Variants in NEGR1 observed in about 807,000 individuals in gnomAD.
The protein encoded by NEGR1 is neuronal growth regulator 1.
In NEGR1, 10 loss-of-function variants were observed where a neutral mutation model predicts 40.9. The observed-to-expected ratio is 0.24, with a 90% CI of 0.15 to 0.42. The LOEUF (loss-of-function observed/expected upper bound fraction) is 0.42. NEGR1 is among the 10% of genes least tolerant of loss of function. The pLI is 1.00. For missense variants in NEGR1, 352 were observed against 438.9 expected (o/e 0.80, Z 1.77); for synonymous variants, 185 against 166.8 (o/e 1.11, Z -0.84).
intron 1 of NEGR1, among the ~76,000 whole-genome samples, chr1:72,252,202 GC>G: frequency 7.6e-6 from 1 of 131,838 alleles, no homozygotes; most frequent in South Asian, 2.1e-4. Flanking sequence ...GTGCCACCAT[GC>G]TCGGCTAATT....
intron 1 of NEGR1, among the ~76,000 whole-genome samples, chr1:72,267,968 A>C (rs1655704991): frequency 6.6e-6 from 1 of 151,268 alleles, no homozygotes; most frequent in Non-Finnish European, 1.5e-5. Context: ...AACAGTATGA[A>C]AGAAAAGCAT....
intron 6 of NEGR1, among the ~76,000 whole-genome samples, chr1:71,409,728 C>G (rs1646303042): frequency 6.6e-6 from 1 of 151,960 alleles, no homozygotes; most frequent in South Asian, 2.1e-4. Context: ...GACATAAAAT[C>G]TGGCAAAGTG....
At chr1:72,107,406 AT>A (rs991481036) in intron 1 of NEGR1, among the ~76,000 whole-genome samples, 3 of 151,594 alleles carry the variant, frequency 2.0e-5, no homozygotes, top group East Asian at 1.9e-4. Context: ...AGATACATAA[AT>A]TTTTTTTCAG....
intron 3 of NEGR1, among the ~76,000 whole-genome samples, chr1:71,746,925 A>C (rs571635822): frequency 6.6e-6 from 1 of 152,330 alleles, no homozygotes; most frequent in South Asian, 2.1e-4. Context: ...AAAATGGAAT[A>C]TTGGCTGTCT....
At chr1:71,613,078 G>T (rs925140804) in intron 4 of NEGR1, among the ~76,000 whole-genome samples, 1 of 152,178 alleles carries the variant, frequency 6.6e-6, no homozygotes, top group Admixed American at 6.5e-5. Flanking sequence ...CTGCTGTGTT[G>T]AGAAAAGACC....
intron 2 of NEGR1, among the ~76,000 whole-genome samples, chr1:71,849,994 T>A (rs1659549759): frequency 6.6e-6 from 1 of 152,184 alleles, no homozygotes; most frequent in African/African-American, 2.4e-5. Context: ...TACAGTGGTC[T>A]GGAAACAAAC....
intron 1 of NEGR1, among the ~76,000 whole-genome samples, chr1:71,962,924 T>C (rs903674841): frequency 1.4e-4 from 21 of 151,998 alleles, no homozygotes; most frequent in Non-Finnish European, 2.8e-4. Context: ...AAAAATATCC[T>C]ACCTTTTGTC....
At chr1:71,801,366 T>C (rs1235428026) in intron 2 of NEGR1, among the ~76,000 whole-genome samples, 2 of 152,212 alleles carry the variant, frequency 1.3e-5, no homozygotes, top group Non-Finnish European at 2.9e-5. Flanking sequence ...AGTCAAGAAC[T>C]CTTCCCTGAA....
intron 1 of NEGR1, among the ~76,000 whole-genome samples, chr1:72,259,639 T>C (rs1655391081): frequency 1.3e-5 from 2 of 152,064 alleles, no homozygotes; most frequent in South Asian, 4.1e-4. Context: ...CAGTGCATGT[T>C]CTCAATGAAT....
chr1:71,416,529 T>C (rs1488141495), intron 6 of NEGR1, among the ~76,000 whole-genome samples: 1 of 152,204 alleles, frequency 6.6e-6, no homozygotes, highest in Non-Finnish European at 1.5e-5. Context: ...TCTGGCCTTG[T>C]AGTTCTGATT....
chr1:72,031,671 T>C (rs1408580440), intron 1 of NEGR1, among the ~76,000 whole-genome samples: 1 of 152,134 alleles, frequency 6.6e-6, no homozygotes, highest in Non-Finnish European at 1.5e-5. Context: ...TATTTACTGG[T>C]GAGAATACTG....
intron 2 of NEGR1, among the ~76,000 whole-genome samples, chr1:71,823,366 C>T (rs761281201): frequency 1.3e-5 from 2 of 151,892 alleles, no homozygotes; most frequent in African/African-American, 4.8e-5. Context: ...TCCACCATAT[C>T]CATGATAACC....
intron 1 of NEGR1, among the ~76,000 whole-genome samples, chr1:71,963,529 A>G (rs890257226): frequency 5.0e-4 from 76 of 152,294 alleles, no homozygotes; most frequent in African/African-American, 1.7e-3. Flanking sequence ...TTCAAAGGCT[A>G]TGTGCCTCTT....
chr1:71,933,459 C>T (rs994278314), intron 2 of NEGR1, among the ~76,000 whole-genome samples: 1 of 151,984 alleles, frequency 6.6e-6, no homozygotes, highest in Admixed American at 6.6e-5. Flanking sequence ...GTAACTCGAA[C>T]ATATTATTGT....
chr1:71,593,704 C>G (rs1393244418), intron 5 of NEGR1, among the ~76,000 whole-genome samples: 1 of 152,190 alleles, frequency 6.6e-6, no homozygotes, highest in Admixed American at 6.5e-5. Flanking sequence ...CTGAAATAGG[C>G]TGACATGGCT....
At chr1:72,031,253 C>G (rs1298627113) in intron 1 of NEGR1, among the ~76,000 whole-genome samples, 2 of 152,140 alleles carry the variant, frequency 1.3e-5, no homozygotes, top group African/African-American at 4.8e-5. Flanking sequence ...AGAATTGTTT[C>G]ATGAAATTCA....
intron 1 of NEGR1, among the ~76,000 whole-genome samples, chr1:72,210,968 G>A (rs1488444963): frequency 6.6e-6 from 1 of 151,636 alleles, no homozygotes; most frequent in African/African-American, 2.4e-5. Context: ...TGGTGGTAAT[G>A]GTATCAAGGG....
intron 6 of NEGR1, among the ~76,000 whole-genome samples, chr1:71,476,158 A>G (rs1046555489): frequency 3.3e-5 from 5 of 152,078 alleles, no homozygotes; most frequent in Admixed American, 6.6e-5. Flanking sequence ...ATCTTTCCTG[A>G]TATCAACCTG....
intron 6 of NEGR1, among the ~76,000 whole-genome samples, chr1:71,536,483 C>T (rs1425793019): frequency 2.0e-5 from 3 of 151,754 alleles, no homozygotes; most frequent in African/African-American, 7.2e-5. Context: ...GTGGAAGCAA[C>T]TTGAGACCTC....
Sources: allele counts gnomAD v4.1 joint callset (sites outside exome capture counted in the v4.1 genomes callset), GRCh38; gene constraint gnomAD v4.1.1; transcripts MANE v1.5; gene names NCBI Gene and HGNC (gene_info 2026-07-23, HGNC 2026-07-21).